Variants in MYSM1 observed in about 807,000 individuals in gnomAD.
The protein encoded by MYSM1 is deubiquitinase MYSM1.
MYSM1 carries 51 observed loss-of-function variants against 116.0 expected under a neutral mutation model. The ratio of observed to expected loss-of-function variants is 0.44; its 90% confidence interval spans 0.35 to 0.56. MYSM1 has a LOEUF of 0.56. Ranked by LOEUF, MYSM1 falls within the 20% of genes least tolerant of loss-of-function variation. The probability of loss-of-function intolerance (pLI) is 0.00; values close to 1 mark genes in which losing one functional copy is unlikely to be tolerated. For missense variants in MYSM1, 900 were observed against 974.9 expected, an observed-to-expected ratio of 0.92 and a Z score of 1.02; for synonymous variants, 313 against 315.2, an observed-to-expected ratio of 0.99 and a Z score of 0.07.
At chr1:58,685,701 C>G (rs1228958590) in intron 6 of MYSM1, among the ~76,000 whole-genome samples, 3 of 152,142 alleles carry the variant, frequency 2.0e-5, no homozygotes, top group African/African-American at 7.2e-5. Flanking sequence ...CATTATGTAT[C>G]TCACAGCAGA....
At position 58,658,837 on chromosome 1, in the gene MYSM1, T is replaced by C. The variant is rs1252601851; in HGVS notation, c.*1160A>G. 1 of 152,138 alleles carries C rather than the reference T, an allele frequency of 6.6e-6. No individual in the cohort carries two copies. Among genetic ancestry groups the C allele is most frequent in the African/African-American group, 2.4e-5 (1 of 41,422 alleles). 9.4% of individuals were successfully genotyped at this position (152,138 alleles called of 1,614,324 possible). Reference sequence around the variant, plus strand: ...AAGATGACGTAAAGCTTAACAAATGTAAAACAAAATTCTAATGTTTAAAAT... The same window carrying C: ...AAGATGACGTAAAGCTTAACAAATGCAAAACAAAATTCTAATGTTTAAAAT... On this transcript the variant is annotated 3_prime_UTR_variant, in exon 20 of 20. Transcript: ENST00000472487.
chr1:58,697,314 T>C lies in MYSM1; in HGVS notation c.69-2107A>G, dbSNP rs76066858. Reference sequence around the variant, plus strand: ...TGCTTGTGAGACATCCAGGTACAGATAGATTCAGAGAACTGGATAAATGGA... The same window carrying C: ...TGCTTGTGAGACATCCAGGTACAGACAGATTCAGAGAACTGGATAAATGGA... On this transcript the variant is annotated intron_variant, in intron 1 of 19. Coordinates refer to ENST00000472487, the MANE Select transcript of MYSM1 (RefSeq NM_001085487.3). Among the ~76,000 whole-genome samples the C allele has an allele frequency of 6.7e-3, 1,016 of 152,240 alleles. 6 individuals are homozygous for C. Among genetic ancestry groups the C allele is most frequent in the East Asian group, 0.019 (101 of 5,186 alleles).
In MYSM1 at chr1:58,667,844, T is replaced by TA; in HGVS notation, c.1842+2dup. 3.2e-6 allele frequency: 5 copies of TA among 1,581,432 alleles called. No homozygotes were observed. Among genetic ancestry groups the TA allele is most frequent in the Non-Finnish European group, 4.3e-6 (5 of 1,150,398 alleles). ...AAACATTTTTTTAAAAGAGAGAACT[T>TA]ACTTCAACTACTTTATCAACTTCTG... On this transcript the variant is annotated splice_region_variant and intron_variant, in intron 15 of 19. Transcript: ENST00000472487.
Position 58,661,968 on chromosome 1 carries a change from TTG to T in MYSM1, c.2165-459_2165-458del, listed in dbSNP as rs1491309599. On this transcript the variant is annotated intron_variant, in intron 17 of 19. Coordinates refer to ENST00000472487, the MANE Select transcript of MYSM1 (RefSeq NM_001085487.3). ...AAGCTTACAACAATGCTGTAAGTTA[TTG>T]TTTTTTTTTTAACAGGTGAGAAAAC... 9.4e-4 allele frequency among the ~76,000 whole-genome samples: 131 copies of T among 139,742 alleles called. No homozygotes were observed. The South Asian group carries it at 9.7e-3, about 10-fold the overall frequency. The allele number at this position is 139,742 out of a possible 152,430, so 91.7% of individuals were successfully genotyped here. A position where few individuals can be genotyped will look rare whatever the true frequency, so the allele number is the denominator to read the frequency against.
intron 7 of MYSM1, among the ~76,000 whole-genome samples, chr1:58,683,002 A>G (rs577661469): frequency 6.6e-6 from 1 of 152,182 alleles, no homozygotes; most frequent in Non-Finnish European, 1.5e-5. Flanking sequence ...AGGGTTTATA[A>G]TAACTGCATT....
At chr1:58,668,011 A>G (rs1644501703) in intron 14 of MYSM1, 90 bp from the exon 15 acceptor site, 5 of 879,684 alleles carry the variant, frequency 5.7e-6, no homozygotes, top group African/African-American at 1.7e-5. Context: ...AGTCATTTGT[A>G]AGTATAGCCA....
intron 17 of MYSM1, among the ~76,000 whole-genome samples, chr1:58,662,855 C>T (rs1026741544): frequency 1.3e-5 from 2 of 152,082 alleles, no homozygotes; most frequent in African/African-American, 4.8e-5. Flanking sequence ...GAGTGACACA[C>T]TATAGTACAC....
In MYSM1 at chr1:58,668,641, T is replaced by C. The variant is rs764050036; in HGVS notation, c.1758A>G (p.Ile586Met). 174 of 1,604,944 alleles carry C rather than the reference T, an allele frequency of 1.1e-4. No homozygotes were observed. The highest frequency in any genetic ancestry group is 1.4e-4 in the Non-Finnish European group (168 of 1,175,612). The change falls in exon 14 of 20, where the codon ATA (isoleucine) becomes ATG (methionine). Residue 586 changes from isoleucine (I) to methionine (M), a missense_variant. Coordinates refer to ENST00000472487, the MANE Select transcript of MYSM1 (RefSeq NM_001085487.3). ...QVKVASEALL[I>M]MDLHAHVSMA... is the part of the protein sequence containing the mutation. ...AATAGATTATCCTTACCAAATCCAT[T>C]ATTAAAAGTGCTTCTGAAGCCACTT...
Position 58,669,009 on chromosome 1 carries a change from C to A in MYSM1, c.1691G>T (p.Cys564Phe). Residue 564 changes from cysteine (C) to phenylalanine (F), a missense_variant, in exon 13 of 20, where the codon TGT (cysteine) becomes TTT (phenylalanine). Physicochemically the swap from Cys to Phe is radical, Grantham distance 205. This residue lies in a region of MYSM1 where 92 missense variants were observed against 155.0 expected (regional missense o/e 0.59). Coordinates refer to ENST00000472487, the MANE Select transcript of MYSM1 (RefSeq NM_001085487.3). ...SSFDPFQLIP[C>F]NFFSEEKQEP... ...CTGCTTTTCTTCACTAAAAAAATTA[C>A]AAGGTATCAGTTGGAAGGGATCAAA... 2 of 1,601,644 alleles carry A rather than the reference C, an allele frequency of 1.2e-6. No individual in the cohort carries two copies. Among genetic ancestry groups the A allele is most frequent in the Admixed American group, 1.8e-5 (1 of 57,108 alleles).
chr1:58,680,526 C>G (rs776980072), intron 8 of MYSM1, among the ~76,000 whole-genome samples: 45 of 152,200 alleles, frequency 3.0e-4, no homozygotes, highest in Non-Finnish European at 2.1e-4. Flanking sequence ...TGTAAGATAA[C>G]TCAAGAACAA....
intron 11 of MYSM1, among the ~76,000 whole-genome samples, chr1:58,673,333 T>C (rs1311086090): frequency 6.6e-6 from 1 of 152,216 alleles, no homozygotes; most frequent in African/African-American, 2.4e-5. Context: ...TATCTTGAGT[T>C]AGAGACAAGA....
intron 5 of MYSM1, 153 bp downstream of exon 5, chr1:58,690,073 T>A (rs868002993): frequency 1.7e-6 from 1 of 600,932 alleles, no homozygotes; most frequent in African/African-American, 2.0e-5. Flanking sequence ...ATTATACTTG[T>A]GCCACTCCAA....
chr1:58,685,062 T>G, intron 7 of MYSM1, 91 bp downstream of exon 7: 1 of 1,046,008 alleles, frequency 9.6e-7, no homozygotes, highest in Non-Finnish European at 1.4e-6. Context: ...CTTTTACCAG[T>G]AAGACTTTAA....
intron 1 of MYSM1, among the ~76,000 whole-genome samples, chr1:58,698,102 A>ATATATATATATATATTTTTTTTT: frequency 5.1e-4 from 4 of 7,768 alleles, no homozygotes; most frequent in African/African-American, 7.7e-4. Context: ...ATATATATAT[A>ATATATATATATATATTTTTTTTT]TTTTTTTTTT....
chr1:58,664,441 A>T (rs529837914), intron 17 of MYSM1, among the ~76,000 whole-genome samples: 2 of 152,172 alleles, frequency 1.3e-5, no homozygotes, highest in Admixed American at 6.6e-5. Flanking sequence ...AAAAAGACAA[A>T]TAAGACACAG....
Position 58,689,086 on chromosome 1 carries a change from G to A in MYSM1, c.351C>T (p.Tyr117=). The change falls in exon 6 of 20, where the codon TAC becomes TAT. Residue 117 remains tyrosine, a synonymous_variant. Transcript: ENST00000472487. Reference sequence around the variant, plus strand: ...TTTCTTCTATCGTCCACTTTACTGAGTAACTGGCTGGTTTTGTAGGAGAGT... The same window carrying A: ...TTTCTTCTATCGTCCACTTTACTGAATAACTGGCTGGTTTTGTAGGAGAGT... ...MVHSPTKPAS[Y]SVKWTIEEKE... 6.2e-7 allele frequency: 1 copy of A among 1,611,380 alleles called. No homozygotes were observed. Among genetic ancestry groups the A allele is most frequent in the Non-Finnish European group, 8.5e-7 (1 of 1,179,450 alleles).
At chr1:58,694,744 C>T (rs1644950178) in intron 2 of MYSM1, among the ~76,000 whole-genome samples, 1 of 151,984 alleles carries the variant, frequency 6.6e-6, no homozygotes, top group South Asian at 2.1e-4. Context: ...TCAGAGCTCA[C>T]TGCAATCTCA....
At chr1:58,674,834 T>C (rs931250725) in intron 10 of MYSM1, among the ~76,000 whole-genome samples, 2 of 148,968 alleles carry the variant, frequency 1.3e-5, no homozygotes, top group Admixed American at 6.8e-5. Context: ...GGCTGAGGCA[T>C]GAGAATGGTG....
Position 58,655,892 on chromosome 1 carries a change from G to A in MYSM1, c.*4105C>T, listed in dbSNP as rs1014640347. The A allele has an allele frequency of 2.0e-4, 31 of 151,886 alleles. 1 individual carries two copies. Among genetic ancestry groups the A allele is most frequent in the Admixed American group, 1.9e-3 (29 of 15,240 alleles). The allele number at this position is 151,886 out of a possible 1,614,324, so 9.4% of individuals were successfully genotyped here. On this transcript the variant is annotated 3_prime_UTR_variant, in exon 20 of 20. Transcript: ENST00000472487. ...AAATACCATATATTGGTAGAGTATA[G>A]GTGAAAAAAAAAATAAAATTTGGGC... is the stretch of plus-strand genomic sequence containing the variant.
Sources: allele counts gnomAD v4.1 joint callset (sites outside exome capture counted in the v4.1 genomes callset), GRCh38; gene constraint gnomAD v4.1.1; regional missense constraint gnomAD v4.1.1; transcripts MANE v1.5; gene names NCBI Gene and HGNC (gene_info 2026-07-23, HGNC 2026-07-21).